The following ROBO1 variants were observed in gnomAD, a reference collection of about 807,000 sequenced individuals.
ROBO1 encodes roundabout homolog 1.
ROBO1 carries 149 observed loss-of-function variants against 195.9 expected under a neutral mutation model. That is an observed-to-expected ratio of 0.76 (90% CI 0.67 to 0.87). The LOEUF (loss-of-function observed/expected upper bound fraction) is 0.87. ROBO1 is among the 40% of genes least tolerant of loss of function. ROBO1 has a pLI of 0.00. For missense variants in ROBO1, 1,933 were observed against 2,068.3 expected, an observed-to-expected ratio of 0.93 and a Z score of 1.27; for synonymous variants, 816 against 733.2, an observed-to-expected ratio of 1.11 and a Z score of -1.82.
At chr3:79,687,221 A>G (rs1947145367) in intron 1 of ROBO1, among the ~76,000 whole-genome samples, 1 of 152,186 alleles carries the variant, frequency 6.6e-6, no homozygotes, top group Non-Finnish European at 1.5e-5. Context: ...TAAATTCAAG[A>G]TGGATTAAAG....
intron 2 of ROBO1, among the ~76,000 whole-genome samples, chr3:79,294,129 C>T (rs1018120063): frequency 6.6e-6 from 1 of 150,536 alleles, no homozygotes; most frequent in African/African-American, 2.4e-5. Context: ...AAAAAAGAGC[C>T]CATATAGTCA....
chr3:78,696,667 C>CAT (rs1188437105), intron 8 of ROBO1, among the ~76,000 whole-genome samples: 21 of 145,826 alleles, frequency 1.4e-4, no homozygotes, highest in African/African-American at 4.0e-4. Context: ...TATATATACA[C>CAT]ATATATATAC....
intron 4 of ROBO1, among the ~76,000 whole-genome samples, chr3:78,912,965 A>G (rs1402505835): frequency 6.6e-6 from 1 of 152,136 alleles, no homozygotes. Flanking sequence ...AAACAATTAT[A>G]TTGTTGAATG....
intron 2 of ROBO1, among the ~76,000 whole-genome samples, chr3:79,425,623 A>G (rs535601986): frequency 1.3e-5 from 2 of 152,278 alleles, no homozygotes; most frequent in Admixed American, 1.3e-4. Context: ...AAGTCTACAT[A>G]AAACAAAGAT....
At chr3:79,758,649 T>C (rs1704534011) in intron 1 of ROBO1, among the ~76,000 whole-genome samples, 1 of 152,066 alleles carries the variant, frequency 6.6e-6, no homozygotes, top group African/African-American at 2.4e-5. Flanking sequence ...AGAAGAAAGG[T>C]ATTTTGAGAA....
chr3:78,699,395 C>CAAAA (rs60574193), intron 8 of ROBO1, among the ~76,000 whole-genome samples: 5 of 83,042 alleles, frequency 6.0e-5, no homozygotes, highest in Non-Finnish European at 1.1e-4. Context: ...ACTAAAAATA[C>CAAAA]AAAAAAAAAA....
intron 10 of ROBO1, among the ~76,000 whole-genome samples, chr3:78,675,998 C>T (rs1036808655): frequency 3.3e-5 from 5 of 152,124 alleles, no homozygotes; most frequent in Non-Finnish European, 7.3e-5. Context: ...AACAATCAGA[C>T]AGCAGCATTC....
At chr3:78,993,227 A>T (rs990214407) in intron 3 of ROBO1, among the ~76,000 whole-genome samples, 5 of 152,226 alleles carry the variant, frequency 3.3e-5, no homozygotes, top group Non-Finnish European at 7.3e-5. Context: ...TGATAAAAAG[A>T]TTAATTTTAA....
chr3:78,812,510 A>G (rs1469116208), intron 4 of ROBO1, among the ~76,000 whole-genome samples: 1 of 152,094 alleles, frequency 6.6e-6, no homozygotes, highest in African/African-American at 2.4e-5. Flanking sequence ...ATACTCAATG[A>G]TGATTATCCT....
At chr3:78,638,189 A>G (rs1050670869) in intron 22 of ROBO1, among the ~76,000 whole-genome samples, 1 of 151,422 alleles carries the variant, frequency 6.6e-6, no homozygotes, top group African/African-American at 2.4e-5. Flanking sequence ...GTGTGTATAT[A>G]TATGTGTGTA....
At chr3:78,841,100 A>AT (rs1007617373) in intron 4 of ROBO1, among the ~76,000 whole-genome samples, 1 of 151,898 alleles carries the variant, frequency 6.6e-6, no homozygotes, top group Non-Finnish European at 1.5e-5. Context: ...ATATTTCATT[A>AT]TTTTTAATGT....
intron 3 of ROBO1, among the ~76,000 whole-genome samples, chr3:78,944,073 T>C (rs759736168): frequency 6.6e-6 from 1 of 152,370 alleles, no homozygotes; most frequent in East Asian, 1.9e-4. Flanking sequence ...ATCTTCTGTA[T>C]TACAACAACA....
At chr3:79,182,991 G>T (rs923977291) in intron 2 of ROBO1, among the ~76,000 whole-genome samples, 25 of 150,098 alleles carry the variant, frequency 1.7e-4, no homozygotes, top group African/African-American at 5.7e-4. Context: ...TGAGGCAGGA[G>T]AATCGCTTGA....
intron 3 of ROBO1, among the ~76,000 whole-genome samples, chr3:79,114,879 C>A (rs562017393): frequency 3.3e-5 from 5 of 152,234 alleles, no homozygotes; most frequent in Non-Finnish European, 5.9e-5. Context: ...AGAAGGCTGT[C>A]CTACTATTTG....
At chr3:78,687,178 T>C (rs763978138) in intron 9 of ROBO1, among the ~76,000 whole-genome samples, 1 of 152,186 alleles carries the variant, frequency 6.6e-6, no homozygotes, top group Non-Finnish European at 1.5e-5. Flanking sequence ...CATCAAAATA[T>C]CACTCTTTTA....
intron 4 of ROBO1, among the ~76,000 whole-genome samples, chr3:78,884,648 A>AAATGAAGGAAGG (rs2036413601): frequency 9.3e-6 from 1 of 107,430 alleles, no homozygotes. Flanking sequence ...AGAAAGAAAG[A>AAATGAAGGAAGG]AAGGAAGGAA....
At chr3:79,018,553 A>C in intron 3 of ROBO1, 1 of 1,568,880 alleles carries the variant, frequency 6.4e-7, no homozygotes, top group Non-Finnish European at 8.7e-7. Flanking sequence ...ACCACACACA[A>C]AGGCTTAATA....
intron 2 of ROBO1, among the ~76,000 whole-genome samples, chr3:79,174,047 T>C (rs1417792566): frequency 3.9e-5 from 6 of 152,046 alleles, no homozygotes; most frequent in African/African-American, 1.4e-4. Context: ...GTCTGTAAAA[T>C]GGACCAATCA....
chr3:79,744,652 T>A (rs1487840767), intron 1 of ROBO1, among the ~76,000 whole-genome samples: 1 of 152,134 alleles, frequency 6.6e-6, no homozygotes, highest in Non-Finnish European at 1.5e-5. Context: ...AAGTAAGCAC[T>A]TATTCTTTAA....
Sources: allele counts gnomAD v4.1 joint callset (sites outside exome capture counted in the v4.1 genomes callset), GRCh38; gene constraint gnomAD v4.1.1; transcripts MANE v1.5; gene names NCBI Gene and HGNC (gene_info 2026-07-23, HGNC 2026-07-21).